The following ADORA3 variants were observed in gnomAD, a reference collection of about 807,000 sequenced individuals.
The protein encoded by ADORA3 is adenosine receptor A3.
In ADORA3, 3 loss-of-function variants were observed where a neutral mutation model predicts 5.7. The ratio of observed to expected loss-of-function variants is 0.52; its 90% CI spans 0.24 to 1.35. The LOEUF is 1.35. Among genes scored for constraint, ADORA3 ranks in the 40% most tolerant of loss-of-function variants. The pLI is 0.17. For missense variants in ADORA3, 343 were observed against 389.0 expected, an observed-to-expected ratio of 0.88 and a Z score of 0.99; for synonymous variants, 168 against 152.3, an observed-to-expected ratio of 1.10 and a Z score of -0.76.
chr1:111,499,800 G>A lies in ADORA3; in HGVS notation c.*150C>T, dbSNP rs1211454695. On this transcript the variant is annotated 3_prime_UTR_variant, in exon 2 of 2. Transcript: ENST00000241356. Reference sequence around the variant, plus strand: ...GGAGGAAGAGAGTAGTGGAGTGGGGGAGATATAATTGGGGAGCACTGGAGA... The same window carrying A: ...GGAGGAAGAGAGTAGTGGAGTGGGGAAGATATAATTGGGGAGCACTGGAGA... 1.6e-5 allele frequency: 23 copies of A among 1,477,510 alleles called. No homozygotes were observed. The highest frequency in any genetic ancestry group is 2.8e-5 in the African/African-American group (2 of 71,236). 91.5% of individuals were successfully genotyped at this position (1,477,510 alleles called of 1,614,324 possible).
At chr1:111,502,942 C>T in intron 1 of ADORA3, 63 bp downstream of exon 1, 1 of 1,584,162 alleles carries the variant, frequency 6.3e-7, no homozygotes, top group Non-Finnish European at 8.6e-7. Flanking sequence ...AGTCTGGGCT[C>T]TGGGCTTTGT....
Position 111,503,427 on chromosome 1 carries a change from G to GCT in ADORA3, c.-75_-74dup. 18 of 1,513,106 alleles carry GCT rather than the reference G, an allele frequency of 1.2e-5. No homozygotes were observed. Among genetic ancestry groups the GCT allele is most frequent in the Non-Finnish European group, 1.6e-5 (18 of 1,125,334 alleles). The allele number at this position is 1,513,106 out of a possible 1,614,324, so 93.7% of individuals were successfully genotyped here. On this transcript the variant is annotated 5_prime_UTR_variant, in exon 1 of 2. An upstream open reading frame in the 5' UTR loses its in-frame stop. Coordinates refer to ENST00000241356, the MANE Select transcript of ADORA3 (RefSeq NM_000677.4). ...TCCGTCTGTAGGGCCAGTGGGCCTA[G>GCT]CTCTCGCCAGACGTCTTCCCAGAGG...
rs1655219783 is a variant in ADORA3 at position 111,502,104 on chromosome 1, ATT to A, written c.350+899_350+900del. Reference sequence around the variant, plus strand: ...TAATAAATATATATAGGAGATATATATTTAATATAATAAATATATAGGATATA... The same window carrying A: ...TAATAAATATATATAGGAGATATATATAATATAATAAATATATAGGATATA... On this transcript the variant is annotated intron_variant, in intron 1 of 1. Transcript: ENST00000241356. 2.6e-5 allele frequency among the ~76,000 whole-genome samples: 3 copies of A among 113,642 alleles called. No individual in the cohort carries two copies. The East Asian group carries it at 6.9e-4, about 26-fold the overall frequency. The allele number at this position is 113,642 out of a possible 152,430, so 74.6% of individuals were successfully genotyped here. A position where few individuals can be genotyped will look rare whatever the true frequency, so the allele number is the denominator to read the frequency against.
chr1:111,500,676 A>G (rs371750223), intron 1 of ADORA3, 120 bp from the exon 2 acceptor site: 2 of 988,910 alleles, frequency 2.0e-6, no homozygotes, highest in South Asian at 3.1e-5. Context: ...TAATTCTCCA[A>G]TCTTCTGCTA....
chr1:111,500,062 T>A lies in ADORA3; in HGVS notation c.845A>T (p.Tyr282Phe), dbSNP rs775106794. 21 of 1,614,112 alleles carry A rather than the reference T, an allele frequency of 1.3e-5. No individual in the cohort carries two copies. The highest frequency in any genetic ancestry group is 1.7e-5 in the Admixed American group (1 of 60,006). Residue 282 changes from tyrosine to phenylalanine, a missense_variant, in exon 2 of 2, where the codon TAT becomes TTT. Tyr to Phe is a conservative substitution (Grantham distance 22). Transcript: ENST00000241356. Reference protein sequence around the residue: ...HANSMMNPIVYAYKIKKFKET... With the variant: ...HANSMMNPIVFAYKIKKFKET... ...CTTGAACTTCTTTATTTTATAGGCA[T>A]AGACGATAGGGTTCATCATGGAGTT...
Position 111,503,180 on chromosome 1 carries a change from T to C in ADORA3, c.175A>G (p.Ile59Val), listed in dbSNP as rs1483083476. ...YFIVSLALAD[I>V]AVGVLVMPLA... The stretch of plus-strand genomic sequence containing the variant: ...GGCATGACCAGCACCCCAACAGCAA[T>C]GTCAGCCAGGGCTAGAGAGACAATG... Residue 59 changes from isoleucine to valine, a missense_variant, in exon 1 of 2, where the codon ATT becomes GTT. Coordinates refer to ENST00000241356, the MANE Select transcript of ADORA3 (RefSeq NM_000677.4). The C allele has an allele frequency of 6.2e-6, 10 of 1,614,244 alleles. No homozygotes were observed. Among genetic ancestry groups the C allele is most frequent in the Non-Finnish European group, 6.8e-6 (8 of 1,180,036 alleles).
chr1:111,500,839 TGCCTAGAG>T, intron 1 of ADORA3: 2 of 511,084 alleles, frequency 3.9e-6, no homozygotes, highest in Admixed American at 3.5e-5. Flanking sequence ...AGGAGGATGT[TGCCTAGAG>T]TCAAGTGCTT....
chr1:111,500,795 G>T lies in ADORA3; in HGVS notation c.351-239C>A, dbSNP rs895316214. 1.1e-5 allele frequency: 6 copies of T among 552,576 alleles called. No individual in the cohort carries two copies. The Admixed American group carries it at 1.3e-4, about 12-fold the overall frequency. The allele number at this position is 552,576 out of a possible 1,614,324, so 34.2% of individuals were successfully genotyped here. On this transcript the variant is annotated intron_variant, in intron 1 of 1. Coordinates refer to ENST00000241356, the MANE Select transcript of ADORA3 (RefSeq NM_000677.4). ...GAAAAATCCAGGAAACTTCTCTGGGGACTTTTCTAAAGAAGAAAACTCTTG... is the reference window on the plus strand; with the variant it reads ...GAAAAATCCAGGAAACTTCTCTGGGTACTTTTCTAAAGAAGAAAACTCTTG...
chr1:111,503,327 A>G lies in ADORA3; in HGVS notation c.28T>C (p.Leu10=), dbSNP rs143720296. Residue 10 remains leucine, a synonymous_variant, in exon 1 of 2, where the codon TTG becomes CTG. Transcript: ENST00000241356. The part of the protein sequence containing the change: MPNNSTALS[L]ANVTYITMEI... Reference sequence around the variant, plus strand: ...ATGGTGATGTAGGTAACATTGGCCAATGACAGAGCAGTGCTGTTGTTGGGC... The same window carrying G: ...ATGGTGATGTAGGTAACATTGGCCAGTGACAGAGCAGTGCTGTTGTTGGGC... 5.6e-6 allele frequency: 9 copies of G among 1,613,570 alleles called. No homozygotes were observed. In the Admixed American group the frequency reaches 8.3e-5, roughly 15 times the overall value.
chr1:111,500,645 G>A, intron 1 of ADORA3, 89 bp from the exon 2 acceptor site: 1 of 1,254,118 alleles, frequency 8.0e-7, no homozygotes, highest in Non-Finnish European at 1.1e-6. Flanking sequence ...AGAGAGAGGT[G>A]AGATAAGGCA....
chr1:111,502,146 AAT>A (rs1655231682), intron 1 of ADORA3, among the ~76,000 whole-genome samples: 1 of 35,336 alleles, frequency 2.8e-5, no homozygotes, highest in African/African-American at 6.6e-5. Flanking sequence ...TAATATAATA[AAT>A]ATATAGGATA....
chr1:111,501,955 C>T lies in ADORA3; in HGVS notation c.350+1050G>A, dbSNP rs779779970. ...TCACATGTAATGAAGAATATTTTTA[C>T]GAAAAAAGCTCTCACATCTCAGGAG... On this transcript the variant is annotated intron_variant, in intron 1 of 1. Transcript: ENST00000241356. Among the ~76,000 whole-genome samples, 45 of 148,112 alleles carry T rather than the reference C, an allele frequency of 3.0e-4. 1 individual carries two copies. Among genetic ancestry groups the T allele is most frequent in the Middle Eastern group, 7.1e-3 (2 of 280 alleles).
At position 111,502,953 on chromosome 1, in the gene ADORA3, A is replaced by G. The variant is rs574805355; in HGVS notation, c.350+52T>C. 333 of 1,594,678 alleles carry G rather than the reference A, an allele frequency of 2.1e-4. 5 individuals are homozygous for G. The South Asian group carries it at 3.3e-3, about 16-fold the overall frequency. On this transcript the variant is annotated intron_variant, in intron 1 of 1. Coordinates refer to ENST00000241356, the MANE Select transcript of ADORA3 (RefSeq NM_000677.4). ...AAAAAGTCTGGGCTCTGGGCTTTGTAGCCTCATTTCCCAGCTGCCTCAATT... is the reference window on the plus strand; with the variant it reads ...AAAAAGTCTGGGCTCTGGGCTTTGTGGCCTCATTTCCCAGCTGCCTCAATT...
Position 111,499,733 on chromosome 1 carries a change from A to G in ADORA3, c.*217T>C, listed in dbSNP as rs780799686. On this transcript the variant is annotated 3_prime_UTR_variant, in exon 2 of 2. Coordinates refer to ENST00000241356, the MANE Select transcript of ADORA3 (RefSeq NM_000677.4). ...TACGTTGTCCCCAAGTCAGGCCTCC[A>G]AAACACTGAATTAGAGAGAAAGGAC... is the stretch of plus-strand genomic sequence containing the variant. 3 of 1,383,900 alleles carry G rather than the reference A, an allele frequency of 2.2e-6. No homozygotes were observed. Among genetic ancestry groups the G allele is most frequent in the African/African-American group, 1.5e-5 (1 of 68,806 alleles). 85.7% of individuals were successfully genotyped at this position (1,383,900 alleles called of 1,614,324 possible).
At position 111,499,529 on chromosome 1, in the gene ADORA3, T is replaced by C. The variant is rs1482014234; in HGVS notation, c.*421A>G. Reference sequence around the variant, plus strand: ...TATTTTTTCTGTTCCCAACATCTCCTAGGCATCCTCCGAGAGCAGGTTCTC... The same window carrying C: ...TATTTTTTCTGTTCCCAACATCTCCCAGGCATCCTCCGAGAGCAGGTTCTC... On this transcript the variant is annotated 3_prime_UTR_variant, in exon 2 of 2. Transcript: ENST00000241356. 2.0e-6 allele frequency: 2 copies of C among 1,001,602 alleles called. No individual in the cohort carries two copies. Among genetic ancestry groups the C allele is most frequent in the Non-Finnish European group, 2.4e-6 (2 of 838,610 alleles). 62.0% of individuals were successfully genotyped at this position (1,001,602 alleles called of 1,614,324 possible).
intron 1 of ADORA3, 34 bp from the exon 2 acceptor site, chr1:111,500,590 C>A: frequency 1.2e-6 from 2 of 1,600,042 alleles, no homozygotes; most frequent in Non-Finnish European, 1.7e-6. Context: ...GAGTCCACAG[C>A]AGTAATTGCT....
Position 111,500,110 on chromosome 1 carries a change from A to T in ADORA3, c.797T>A (p.Met266Lys), listed in dbSNP as rs2800889. 29,732 of 1,614,210 alleles carry T rather than the reference A, an allele frequency of 0.018. 378 individuals are homozygous for T. The highest frequency in any genetic ancestry group is 0.037 in the Middle Eastern group (223 of 6,062). ...NGEVPQLVLY[M>K]GILLSHANSM... ...GTTGGCATGGGACAGCAGGATGCCC[A>T]TGTACAGCACAAGCTGTGGTACCTC... Residue 266 changes from methionine to lysine, a missense_variant, in exon 2 of 2, where the codon ATG becomes AAG. Coordinates refer to ENST00000241356, the MANE Select transcript of ADORA3 (RefSeq NM_000677.4).
rs1176120747 is a variant in ADORA3 at position 111,503,080 on chromosome 1, A to C, written c.275T>G (p.Ile92Ser). ...SCLFMTCLLL[I>S]FTHASIMSLL... Reference sequence around the variant, plus strand: ...GGACATGATGGAGGCGTGGGTAAAGATAAGCAGTAGGCAAGTCATAAAAAG... The same window carrying C: ...GGACATGATGGAGGCGTGGGTAAAGCTAAGCAGTAGGCAAGTCATAAAAAG... The change falls in exon 1 of 2, where the codon ATC (isoleucine) becomes AGC (serine). Residue 92 changes from isoleucine (I) to serine (S), a missense_variant. Coordinates refer to ENST00000241356, the MANE Select transcript of ADORA3 (RefSeq NM_000677.4). 6.2e-7 allele frequency: 1 copy of C among 1,614,198 alleles called. No homozygotes were observed. Among genetic ancestry groups the C allele is most frequent in the Admixed American group, 1.7e-5 (1 of 60,028 alleles).
intron 1 of ADORA3, 40 bp from the exon 2 acceptor site, chr1:111,500,596 T>C (rs1424205501): frequency 1.9e-6 from 3 of 1,592,626 alleles, no homozygotes; most frequent in Non-Finnish European, 8.6e-7. Context: ...ACAGCAGTAA[T>C]TGCTAAAGGG....
Sources: allele counts gnomAD v4.1 joint callset (sites outside exome capture counted in the v4.1 genomes callset), GRCh38; gene constraint gnomAD v4.1.1; transcripts MANE v1.5; gene names NCBI Gene and HGNC (gene_info 2026-07-23, HGNC 2026-07-21).